The following MAEL variants were observed in gnomAD, a reference collection of about 807,000 sequenced individuals.
MAEL encodes maelstrom spermatogenic transposon silencer.
In MAEL, 46 loss-of-function variants were observed where a neutral mutation model predicts 62.0. The observed-to-expected ratio is 0.74, with a 90% CI of 0.59 to 0.95. The LOEUF is 0.95. Ranked by LOEUF, MAEL falls within the 40% of genes least tolerant of loss-of-function variation. The pLI is 0.00. For synonymous variants in MAEL, 172 were observed against 175.5 expected, an observed-to-expected ratio of 0.98 and a Z score of 0.16; for missense variants, 497 against 526.8, an observed-to-expected ratio of 0.94 and a Z score of 0.55.
intron 5 of MAEL, among the ~76,000 whole-genome samples, chr1:166,998,197 T>C (rs949840649): frequency 3.3e-5 from 5 of 152,216 alleles, no homozygotes; most frequent in Non-Finnish European, 7.3e-5. Context: ...TGTTTTACAT[T>C]AGGTCATTTT....
rs538911872 is a variant in MAEL, at chr1:166,997,320, A to G, written c.523+3251A>G. On this transcript the variant is annotated intron_variant, in intron 5 of 11. Coordinates refer to ENST00000367872, the MANE Select transcript of MAEL (RefSeq NM_032858.3). ...GAGGCCTGCATGCCGTGGGTTGTACAAGCGTGATATATATATTTCCTTTCC... is the reference window on the plus strand; with the variant it reads ...GAGGCCTGCATGCCGTGGGTTGTACGAGCGTGATATATATATTTCCTTTCC... Among the ~76,000 whole-genome samples, 48 of 152,372 alleles carry G rather than the reference A, an allele frequency of 3.2e-4. No homozygotes were observed. In the South Asian group the frequency reaches 9.3e-3, roughly 30 times the overall value.
At chr1:166,989,132 C>T (rs1003230651), upstream of MAEL, 19 of 608,452 alleles carry the variant, frequency 3.1e-5, no homozygotes, top group Non-Finnish European at 3.9e-5. Context: ...CCTGCGACGG[C>T]GCTCTCCCCC....
intron 5 of MAEL, among the ~76,000 whole-genome samples, chr1:166,996,983 T>A (rs1302299736): frequency 6.6e-6 from 1 of 152,170 alleles, no homozygotes; most frequent in Non-Finnish European, 1.5e-5. Context: ...TGCATCACCA[T>A]GCCCGGCTAA....
chr1:167,019,503 G>A (rs1336373188), intron 10 of MAEL, among the ~76,000 whole-genome samples: 2 of 151,990 alleles, frequency 1.3e-5, no homozygotes, highest in Non-Finnish European at 2.9e-5. Context: ...CTCAGCCTTA[G>A]TTATCAGCAA....
rs115787947 is a variant in MAEL at position 166,998,904 on chromosome 1, C to T, written c.523+4835C>T. 9.3e-3 allele frequency among the ~76,000 whole-genome samples: 1,409 copies of T among 152,230 alleles called. 25 individuals are homozygous for T. The highest frequency in any genetic ancestry group is 0.033 in the African/African-American group (1,367 of 41,542). On this transcript the variant is annotated intron_variant, in intron 5 of 11. Coordinates refer to ENST00000367872, the MANE Select transcript of MAEL (RefSeq NM_032858.3). ...CATGTTTGCTATGGTGATCTGTGAT[C>T]AGTGATCCTTGATGTTACTATTGTA...
chr1:166,989,631 C>G, intron 1 of MAEL, 106 bp from the exon 2 acceptor site: 1 of 1,460,450 alleles, frequency 6.8e-7, no homozygotes, highest in Non-Finnish European at 9.3e-7. Context: ...CTGGGCAAAC[C>G]GACACCAGAA....
chr1:166,975,682 T>C (rs2102051695), intron 1 of MAEL: 1 of 151,692 alleles, frequency 6.6e-6, no homozygotes, highest in African/African-American at 2.4e-5. Context: ...CGTGGAGTGA[T>C]TGAGGCCACG....
intron 8 of MAEL, among the ~76,000 whole-genome samples, chr1:167,008,903 G>A (rs189320104): frequency 1.1e-4 from 17 of 152,122 alleles, no homozygotes; most frequent in African/African-American, 3.9e-4. Flanking sequence ...TGATCAGAAA[G>A]TGTTTATAAT....
upstream of MAEL, among the ~76,000 whole-genome samples, chr1:166,986,927 G>C (rs1029989658): frequency 6.9e-6 from 1 of 144,000 alleles, no homozygotes; most frequent in African/African-American, 2.6e-5. Context: ...AAATAATTAG[G>C]AATGAAAAGG....
At chr1:167,018,581 G>A (rs1665493858) in intron 10 of MAEL, among the ~76,000 whole-genome samples, 2 of 152,028 alleles carry the variant, frequency 1.3e-5, no homozygotes, top group Non-Finnish European at 1.5e-5. Context: ...AGCAATATAT[G>A]ACAGTACCAA....
chr1:166,994,072 A>G lies in MAEL; in HGVS notation c.523+3A>G. ...TCGATTTCATTGTCAGGCTGCAAGTAAGTATAAAGGAATGGGGTAGGATTT... is the reference window on the plus strand; with the variant it reads ...TCGATTTCATTGTCAGGCTGCAAGTGAGTATAAAGGAATGGGGTAGGATTT... On this transcript the variant is annotated splice_donor_region_variant and intron_variant, in intron 5 of 11. Coordinates refer to ENST00000367872, the MANE Select transcript of MAEL (RefSeq NM_032858.3). The G allele has an allele frequency of 6.2e-7, 1 of 1,612,822 alleles. No homozygotes were observed. The highest frequency in any genetic ancestry group is 8.5e-7 in the Non-Finnish European group (1 of 1,179,132).
At chr1:167,009,486 C>T (rs1161155747) in intron 8 of MAEL, among the ~76,000 whole-genome samples, 1 of 151,818 alleles carries the variant, frequency 6.6e-6, no homozygotes, top group Non-Finnish European at 1.5e-5. Flanking sequence ...TTTTTAAAGT[C>T]TAATACTGTT....
At chr1:167,017,356 G>A (rs540330154) in intron 9 of MAEL, among the ~76,000 whole-genome samples, 1 of 152,178 alleles carries the variant, frequency 6.6e-6, no homozygotes. Context: ...AGCAATATGG[G>A]TGAACCTTCA....
chr1:166,992,621 G>A (rs1664237291), intron 3 of MAEL, 65 bp from the exon 4 acceptor site: 1 of 1,220,680 alleles, frequency 8.2e-7, no homozygotes, highest in Non-Finnish European at 1.1e-6. Flanking sequence ...AACTAAAGAG[G>A]CTTTTGTGGA....
intron 8 of MAEL, among the ~76,000 whole-genome samples, chr1:167,010,604 C>T (rs756883889): frequency 2.3e-4 from 35 of 152,134 alleles, no homozygotes; most frequent in Admixed American, 7.9e-4. Flanking sequence ...TGCCACCATG[C>T]GTACCTAGTT....
chr1:166,987,977 A>T (rs1663978100), upstream of MAEL, among the ~76,000 whole-genome samples: 1 of 152,222 alleles, frequency 6.6e-6, no homozygotes, highest in African/African-American at 2.4e-5. Context: ...TTTAAAAAAT[A>T]AGCAAAGCCT....
intron 5 of MAEL, among the ~76,000 whole-genome samples, chr1:166,998,069 C>T (rs1235049546): frequency 6.6e-6 from 1 of 152,130 alleles, no homozygotes; most frequent in Non-Finnish European, 1.5e-5. Context: ...CTGTCAATAT[C>T]ATATTCTTAA....
chr1:166,982,897 T>C (rs1022227062), intron 1 of MAEL, among the ~76,000 whole-genome samples: 6 of 152,224 alleles, frequency 3.9e-5, no homozygotes, highest in Non-Finnish European at 8.8e-5. Flanking sequence ...CTATTCTTTC[T>C]GCCTGGAATG....
intron 10 of MAEL, among the ~76,000 whole-genome samples, chr1:167,020,538 T>G (rs1353770976): frequency 6.6e-6 from 1 of 152,160 alleles, no homozygotes; most frequent in Non-Finnish European, 1.5e-5. Flanking sequence ...ACCACCTTTT[T>G]CCTTCAGATT....
Sources: gnomAD v4.1 joint callset for allele counts (sites outside exome capture counted in the v4.1 genomes callset) on GRCh38, gnomAD v4.1.1 for gene constraint, MANE v1.5 for transcripts, NCBI Gene and HGNC (gene_info 2026-07-23, HGNC 2026-07-21) for gene names.